Variants in TENM2 observed in about 807,000 individuals in gnomAD.
TENM2 encodes the protein teneurin-2.
A neutral mutation model predicts 245.2 loss-of-function variants in TENM2; 52 were observed. The observed-to-expected ratio is 0.21, with a 90% CI of 0.17 to 0.27. The LOEUF (loss-of-function observed/expected upper bound fraction) is 0.27. TENM2 is among the 10% of genes least tolerant of loss of function. TENM2 has a pLI of 1.00. For synonymous variants in TENM2, 1,363 were observed against 1,438.9 expected (o/e 0.95, Z 1.19); for missense variants, 3,046 against 3,666.8 (o/e 0.83, Z 4.37).
At chr5:167,899,705 C>T (rs551259562) in intron 3 of TENM2, among the ~76,000 whole-genome samples, 27 of 152,154 alleles carry the variant, frequency 1.8e-4, no homozygotes, top group African/African-American at 6.0e-4. Context: ...CAGTAGGTGC[C>T]GGAAATCTCT....
At chr5:167,174,353 C>A in the TENM2 span, among the ~76,000 whole-genome samples, 1 of 152,158 alleles carries the variant, frequency 6.6e-6, no homozygotes, top group Non-Finnish European at 1.5e-5. Flanking sequence ...GAAGCAAATA[C>A]CTTCTCTTAT....
intron 2 of TENM2, among the ~76,000 whole-genome samples, chr5:167,864,925 T>TA (rs1431888952): frequency 6.6e-6 from 1 of 152,184 alleles, no homozygotes; most frequent in Non-Finnish European, 1.5e-5. Context: ...GAAGTGAACA[T>TA]AAAAATGAGT....
chr5:167,980,326 AC>A (rs935484481), intron 4 of TENM2, among the ~76,000 whole-genome samples: 2 of 152,190 alleles, frequency 1.3e-5, no homozygotes, highest in African/African-American at 4.8e-5. Flanking sequence ...GCAAGATGCT[AC>A]GATGGGAAAG....
At chr5:168,119,810 A>G (rs1202199887) in intron 10 of TENM2, among the ~76,000 whole-genome samples, 1 of 152,184 alleles carries the variant, frequency 6.6e-6, no homozygotes, top group Non-Finnish European at 1.5e-5. Context: ...GAAAAAGTGA[A>G]GCCCCTGCCT....
At chr5:168,214,259 G>T (rs1156479709) in intron 20 of TENM2, among the ~76,000 whole-genome samples, 2 of 152,210 alleles carry the variant, frequency 1.3e-5, no homozygotes, top group African/African-American at 4.8e-5. Flanking sequence ...AGGGGAAGCA[G>T]CCCAGGTCTC....
At chr5:168,188,412 C>T (rs1012382392) in intron 13 of TENM2, among the ~76,000 whole-genome samples, 7 of 152,132 alleles carry the variant, frequency 4.6e-5, no homozygotes, top group African/African-American at 7.2e-5. Flanking sequence ...CGCTCCCAGC[C>T]GAGTGAATAA....
chr5:167,944,340 G>C (rs558770700), intron 3 of TENM2, among the ~76,000 whole-genome samples: 1 of 151,830 alleles, frequency 6.6e-6, no homozygotes, highest in East Asian at 1.9e-4. Context: ...CAAATTCCCA[G>C]CTCGCCCTCA....
intron 2 of TENM2, among the ~76,000 whole-genome samples, chr5:167,822,593 G>T (rs1176895211): frequency 6.6e-6 from 1 of 152,176 alleles, no homozygotes; most frequent in African/African-American, 2.4e-5. Context: ...AGAACTGTGG[G>T]ATAGTTTCAG....
At chr5:167,941,792 T>TA (rs1290115847) in intron 3 of TENM2, among the ~76,000 whole-genome samples, 1 of 151,954 alleles carries the variant, frequency 6.6e-6, no homozygotes, top group African/African-American at 2.4e-5. Context: ...AATTCGAGGT[T>TA]ACAGTGAGCC....
At chr5:168,190,070 G>C (rs1047381380) in intron 13 of TENM2, among the ~76,000 whole-genome samples, 2 of 152,160 alleles carry the variant, frequency 1.3e-5, no homozygotes, top group African/African-American at 4.8e-5. Flanking sequence ...AGAAATTCCA[G>C]AAAAGCACAA....
chr5:167,424,829 T>C (rs1236567822), intron 2 of TENM2, among the ~76,000 whole-genome samples: 2 of 152,190 alleles, frequency 1.3e-5, no homozygotes, highest in Non-Finnish European at 2.9e-5. Context: ...GAAAATATTA[T>C]TCTTGCAGGT....
intron 2 of TENM2, among the ~76,000 whole-genome samples, chr5:167,413,316 G>A (rs9313379): frequency 0.49 from 74,487 of 151,734 alleles, 18,333 homozygotes; most frequent in Admixed American, 0.52. Flanking sequence ...AATGAAATAC[G>A]ATGTATTCAA....
intron 2 of TENM2, among the ~76,000 whole-genome samples, chr5:167,390,674 T>C (rs916483452): frequency 6.6e-6 from 1 of 151,290 alleles, no homozygotes; most frequent in African/African-American, 2.5e-5. Flanking sequence ...TGCTTAATAA[T>C]TGATATAGAA....
chr5:167,656,363 C>A (rs1382611600), intron 2 of TENM2, among the ~76,000 whole-genome samples: 1 of 152,082 alleles, frequency 6.6e-6, no homozygotes, highest in Non-Finnish European at 1.5e-5. Flanking sequence ...AAAGCATGAG[C>A]ACGCATGGCC....
chr5:167,845,825 C>T (rs1769992112), intron 2 of TENM2, among the ~76,000 whole-genome samples: 1 of 152,164 alleles, frequency 6.6e-6, no homozygotes, highest in African/African-American at 2.4e-5. Flanking sequence ...CCATTTTCCC[C>T]ATTTCACATT....
intron 4 of TENM2, among the ~76,000 whole-genome samples, chr5:167,972,807 T>C (rs542992929): frequency 1.3e-5 from 2 of 152,242 alleles, no homozygotes; most frequent in South Asian, 4.2e-4. Flanking sequence ...AATAATGTAA[T>C]AAATAATACA....
rs1215184557 is a variant in TENM2 at position 167,801,130 on chromosome 5, ATATATATATATATATATATATATG to A, written c.503-74848_503-74825del. The stretch of plus-strand genomic sequence containing the variant: ...AAAAAATATATATATATATATATAT[ATATATATATATATATATATATATG>A]TATATATTCCCCAGGGTCAAAGTGT... On this transcript the variant is annotated intron_variant, in intron 2 of 28. Coordinates refer to ENST00000518659, the Ensembl canonical transcript of TENM2. Among the ~76,000 whole-genome samples, 131 of 102,730 alleles carry A rather than the reference ATATATATATATATATATATATATG, an allele frequency of 1.3e-3. 4 individuals carry two copies. Among genetic ancestry groups the A allele is most frequent in the Middle Eastern group, 5.1e-3 (1 of 198 alleles). 67.4% of individuals were successfully genotyped at this position (102,730 alleles called of 152,430 possible).
chr5:168,204,485 G>C, exon 19 of TENM2: 2 of 1,614,032 alleles, frequency 1.2e-6, no homozygotes, highest in Admixed American at 1.7e-5. Flanking sequence ...CAGCTGCAAC[G>C]GCCTTGCTGA....
At chr5:168,142,642 C>T (rs1755657916) in intron 12 of TENM2, among the ~76,000 whole-genome samples, 1 of 152,202 alleles carries the variant, frequency 6.6e-6, no homozygotes, top group African/African-American at 2.4e-5. Context: ...AGCTTCAGAA[C>T]CTAGAGGCAC....
Sources: gnomAD v4.1 joint callset for allele counts (sites outside exome capture counted in the v4.1 genomes callset) on GRCh38, gnomAD v4.1.1 for gene constraint, MANE v1.5 for transcripts, NCBI Gene and HGNC (gene_info 2026-07-23, HGNC 2026-07-21) for gene names.